The following ATRN variants were observed in gnomAD, a reference collection of about 807,000 sequenced individuals.
The protein encoded by ATRN is attractin-2.
A neutral mutation model predicts 178.7 loss-of-function variants in ATRN; 54 were observed. The observed-to-expected ratio is 0.30, with a 90% CI of 0.24 to 0.38. The LOEUF is 0.38. ATRN is among the 10% of genes least tolerant of loss of function. The pLI, the probability that ATRN is intolerant of heterozygous loss-of-function variation, is 1.00. For missense variants in ATRN, 1,443 were observed against 1,815.1 expected (o/e 0.79, Z 3.73); for synonymous variants, 636 against 663.0 (o/e 0.96, Z 0.63).
chr20:3,543,489 A>G (rs549619502), intron 3 of ATRN, among the ~76,000 whole-genome samples: 8 of 152,198 alleles, frequency 5.3e-5, no homozygotes, highest in Admixed American at 4.6e-4. Flanking sequence ...TGGGAGGCCG[A>G]GGTGGGCGGA....
rs544053185 is a variant in ATRN, at chr20:3,511,438, GT to G, written c.411-23805del. 8.1e-3 allele frequency among the ~76,000 whole-genome samples: 1,208 copies of G among 148,254 alleles called. 8 individuals are homozygous for G. The highest frequency in any genetic ancestry group is 0.027 in the African/African-American group (1,112 of 40,580). Reference sequence around the variant, plus strand: ...AAATCAGGAGGATTTTTTTTAGTAGGTTTTTTTTTTAATATAAGCTACATTT... The same window carrying G: ...AAATCAGGAGGATTTTTTTTAGTAGGTTTTTTTTTAATATAAGCTACATTT... On this transcript the variant is annotated intron_variant, in intron 1 of 28. Coordinates refer to ENST00000262919, the MANE Select transcript of ATRN (RefSeq NM_139321.3).
At chr20:3,538,336 C>G (rs913493672) in intron 2 of ATRN, among the ~76,000 whole-genome samples, 7 of 152,072 alleles carry the variant, frequency 4.6e-5, no homozygotes, top group African/African-American at 1.7e-4. Flanking sequence ...ACAGTTTCAC[C>G]CACCATTTCT....
Position 3,645,020 on chromosome 20 carries a change from CATGATTATATA to C in ATRN, c.4165+754_4165+764del, listed in dbSNP as rs2087097437. ...ACACTTCTCCATCAAATATATGAAT[CATGATTATATA>C]AACTTCTATTTTGAAGACAGAAAAT... On this transcript the variant is annotated intron_variant, in intron 28 of 28. Coordinates refer to ENST00000262919, the MANE Select transcript of ATRN (RefSeq NM_139321.3). This position sits in a 1 kb window ranked among gnomAD's most constrained non-coding sequence, Gnocchi z 4.7. 6.6e-6 allele frequency among the ~76,000 whole-genome samples: 1 copy of C among 152,204 alleles called. No individual in the cohort carries two copies. The highest frequency in any genetic ancestry group is 1.5e-5 in the Non-Finnish European group (1 of 68,032).
intron 1 of ATRN, chr20:3,489,568 C>T: frequency 1.3e-6 from 2 of 1,483,280 alleles, no homozygotes; most frequent in Non-Finnish European, 1.9e-6. Context: ...CATATGTCTT[C>T]TTATTCACAA....
At chr20:3,570,143 A>AT (rs10718420) in intron 11 of ATRN, among the ~76,000 whole-genome samples, 8 of 151,386 alleles carry the variant, frequency 5.3e-5, no homozygotes, top group African/African-American at 1.5e-4. Flanking sequence ...AATTGTCTCA[A>AT]TTTTTTTTTT....
intron 1 of ATRN, among the ~76,000 whole-genome samples, chr20:3,492,856 C>G (rs374145938): frequency 2.9e-4 from 34 of 116,552 alleles, no homozygotes; most frequent in African/African-American, 1.1e-3. Context: ...GAGAGAGAGG[C>G]GCGCGCGCGC....
At chr20:3,565,537 G>A in intron 11 of ATRN, 105 bp downstream of exon 11, 1 of 910,998 alleles carries the variant, frequency 1.1e-6, no homozygotes, top group Non-Finnish European at 1.7e-6. Flanking sequence ...GGAGGCCGAG[G>A]CGGGTGGAAT....
chr20:3,475,153 A>G (rs925340858), intron 1 of ATRN, among the ~76,000 whole-genome samples: 5 of 152,210 alleles, frequency 3.3e-5, no homozygotes, highest in African/African-American at 1.2e-4. Flanking sequence ...TGTTATTAAA[A>G]GACATTAAAT....
intron 1 of ATRN, among the ~76,000 whole-genome samples, chr20:3,478,515 A>G (rs1167674423): frequency 1.3e-5 from 2 of 152,102 alleles, no homozygotes; most frequent in Non-Finnish European, 2.9e-5. Context: ...GGAGGGGAAC[A>G]TCACACACTG....
rs949307502 is a variant in ATRN, at chr20:3,545,812, T to C, written c.659T>C (p.Val220Ala). Residue 220 changes from valine (V) to alanine (A), a missense_variant, in exon 4 of 29, where the codon GTT becomes GCT. Physicochemically the swap from Val to Ala is moderately conservative, Grantham distance 64. Transcript: ENST00000262919. Reference protein sequence around the residue: ...RDGNETVPEVVATSGYALLHF... With the variant: ...RDGNETVPEVAATSGYALLHF... The stretch of plus-strand genomic sequence containing the variant: ...GGCAATGAGACTGTCCCTGAGGTTG[T>C]TGCCACATCAGGTTATGCCTTGCTG... 2 of 1,614,082 alleles carry C rather than the reference T, an allele frequency of 1.2e-6. No individual in the cohort carries two copies. Among genetic ancestry groups the C allele is most frequent in the Admixed American group, 1.7e-5 (1 of 60,024 alleles).
At chr20:3,550,269 A>C (rs543043687) in intron 6 of ATRN, among the ~76,000 whole-genome samples, 2 of 152,222 alleles carry the variant, frequency 1.3e-5, no homozygotes, top group Non-Finnish European at 2.9e-5. Flanking sequence ...CAGAGGTTGA[A>C]GATCAGATGG....
chr20:3,471,321 C>G lies in ATRN; in HGVS notation c.214C>G (p.Leu72Val). The change falls in exon 1 of 29, where the codon CTG becomes GTG. Residue 72 changes from leucine to valine, a missense_variant. By Grantham distance (32) the Leu-to-Val change is conservative (BLOSUM62 1). This residue lies in a region of ATRN where 862 missense variants were observed against 972.1 expected (regional missense o/e 0.89). Coordinates refer to ENST00000262919, the MANE Select transcript of ATRN (RefSeq NM_139321.3). ...LLLLLLLSPPLLLLLLPCEAE... is the reference protein window; with the variant it reads ...LLLLLLLSPPVLLLLLPCEAE... ...GCTGCTGTTGTTGCTCTCGCCGCCG[C>G]TGCTGCTGCTGCTGCTGCCCTGTGA... 1 of 1,454,398 alleles carries G rather than the reference C, an allele frequency of 6.9e-7. No individual in the cohort carries two copies. Among genetic ancestry groups the G allele is most frequent in the Non-Finnish European group, 9.0e-7 (1 of 1,110,034 alleles). 90.1% of individuals were successfully genotyped at this position (1,454,398 alleles called of 1,614,324 possible). A position where few individuals can be genotyped will look rare whatever the true frequency, so the allele number is the denominator to read the frequency against.
At chr20:3,637,470 G>A (rs538507259) in intron 26 of ATRN, among the ~76,000 whole-genome samples, 1 of 152,104 alleles carries the variant, frequency 6.6e-6, no homozygotes, top group Admixed American at 6.5e-5. Flanking sequence ...TAAGAATGTT[G>A]GTATTTTAAG....
chr20:3,526,116 G>C (rs1443026800), intron 1 of ATRN, among the ~76,000 whole-genome samples: 2 of 152,170 alleles, frequency 1.3e-5, no homozygotes, highest in African/African-American at 2.4e-5. Context: ...AATTATCTCT[G>C]TTTGCAGATG....
intron 1 of ATRN, among the ~76,000 whole-genome samples, chr20:3,487,343 C>T (rs2084708699): frequency 6.6e-6 from 1 of 152,130 alleles, no homozygotes; most frequent in African/African-American, 2.4e-5. Context: ...AAGCAGTTCT[C>T]TACCTTAGCC....
chr20:3,557,471 G>A (rs1386416024), intron 6 of ATRN, among the ~76,000 whole-genome samples: 1 of 152,218 alleles, frequency 6.6e-6, no homozygotes, highest in East Asian at 1.9e-4. Flanking sequence ...CTGCTGTAAA[G>A]CTGGCAGGCA....
At chr20:3,511,572 T>G (rs1326721070) in intron 1 of ATRN, among the ~76,000 whole-genome samples, 1 of 152,178 alleles carries the variant, frequency 6.6e-6, no homozygotes, top group African/African-American at 2.4e-5. Flanking sequence ...TCTGGTAGAT[T>G]GTTTCTATTT....
intron 1 of ATRN, among the ~76,000 whole-genome samples, chr20:3,494,620 A>C (rs189116247): frequency 6.6e-6 from 1 of 152,296 alleles, no homozygotes; most frequent in African/African-American, 2.4e-5. Flanking sequence ...AAGAGTCAAT[A>C]ATTTTTGGAA....
chr20:3,545,734 C>G (rs754959285), intron 3 of ATRN, 28 bp from the exon 4 acceptor site: 2 of 1,611,374 alleles, frequency 1.2e-6, no homozygotes, highest in South Asian at 2.2e-5. Context: ...TTGTGCTTCC[C>G]TCTATAAGAA....
Sources: allele counts gnomAD v4.1 joint callset (sites outside exome capture counted in the v4.1 genomes callset), GRCh38; gene constraint gnomAD v4.1.1; regional missense constraint gnomAD v4.1.1; non-coding constraint Gnocchi (gnomAD v3.1); transcripts MANE v1.5; gene names NCBI Gene and HGNC (gene_info 2026-07-23, HGNC 2026-07-21).